MTAP: variants seen among roughly 807,000 people sequenced by gnomAD.
MTAP encodes the protein S-methyl-5'-thioadenosine phosphorylase.
MTAP carries 33 observed loss-of-function variants against 33.6 expected under a neutral mutation model. The observed-to-expected ratio is 0.98, with a 90% CI of 0.74 to 1.31. The LOEUF is 1.31. Among genes scored for constraint, MTAP ranks in the 40% most tolerant of loss-of-function variants. MTAP has a pLI of 0.00. For synonymous variants in MTAP, 148 were observed against 125.7 expected (o/e 1.18, Z -1.19); for missense variants, 367 against 360.0 (o/e 1.02, Z -0.16).
At chr9:21,929,023 C>G (rs1368752476) in intron 1 of MTAP, among the ~76,000 whole-genome samples, 4 of 152,108 alleles carry the variant, frequency 2.6e-5, no homozygotes, top group Admixed American at 6.6e-5. Flanking sequence ...CTTCCAGGCT[C>G]TAGTTCTCAT....
At chr9:21,854,600 T>C (rs1332943660) in intron 5 of MTAP, 31 bp from the exon 6 acceptor site, 1 of 1,515,864 alleles carries the variant, frequency 6.6e-7, no homozygotes, top group Non-Finnish European at 8.8e-7. Flanking sequence ...TGTGCTAGTA[T>C]GTTTTGAAGT....
At chr9:21,885,820 G>A (rs557711859) in intron 1 of MTAP, among the ~76,000 whole-genome samples, 5 of 138,056 alleles carry the variant, frequency 3.6e-5, no homozygotes, top group South Asian at 2.3e-4. Flanking sequence ...GTGTGTGTGT[G>A]TATACAGATC....
chr9:21,865,087 G>C lies in MTAP; in HGVS notation c.*3073G>C, dbSNP rs1396426761. ...AGTCCCTCCTTGATAAGGTTTGGCG[G>C]TGTCCCCACCCAAATCTCATGTTGA... On this transcript the variant is annotated 3_prime_UTR_variant, in exon 8 of 8. Coordinates refer to ENST00000644715, the MANE Select transcript of MTAP (RefSeq NM_002451.4). 1 of 985,252 alleles carries C rather than the reference G, an allele frequency of 1.0e-6. No homozygotes were observed. The highest frequency in any genetic ancestry group is 1.7e-5 in the African/African-American group (1 of 57,204). The allele number at this position is 985,252 out of a possible 1,614,324, so 61.0% of individuals were successfully genotyped here. A position where few individuals can be genotyped will look rare whatever the true frequency, so the allele number is the denominator to read the frequency against.
intron 1 of MTAP, chr9:21,811,650 A>C: frequency 1.9e-6 from 1 of 522,426 alleles, no homozygotes; most frequent in Non-Finnish European, 3.9e-6. Context: ...GCTCACTCAA[A>C]CTCTTCCTCC....
chr9:21,931,398 G>C (rs999657973), downstream of MTAP: 25 of 479,184 alleles, frequency 5.2e-5, no homozygotes, highest in Non-Finnish European at 8.8e-5. Context: ...GTGAGCATCA[G>C]ATGATCATCA....
chr9:21,886,915 A>G (rs1367306217), intron 1 of MTAP, among the ~76,000 whole-genome samples: 2 of 152,184 alleles, frequency 1.3e-5, no homozygotes, highest in African/African-American at 2.4e-5. Flanking sequence ...TGCTTTGGCT[A>G]TGTGGGCTAT....
chr9:21,853,683 C>G (rs1002598388), intron 5 of MTAP, among the ~76,000 whole-genome samples: 2 of 152,162 alleles, frequency 1.3e-5, no homozygotes, highest in African/African-American at 4.8e-5. Flanking sequence ...AGAAGACCAG[C>G]TTAGTGCATA....
At chr9:21,905,505 A>G (rs903424621) in intron 1 of MTAP, among the ~76,000 whole-genome samples, 36 of 152,224 alleles carry the variant, frequency 2.4e-4, no homozygotes, top group Admixed American at 2.4e-3. Context: ...ACACACACAT[A>G]AAATCACTGT....
intron 5 of MTAP, among the ~76,000 whole-genome samples, chr9:21,842,846 C>A (rs930221338): frequency 6.6e-6 from 1 of 152,068 alleles, no homozygotes; most frequent in East Asian, 1.9e-4. Context: ...AACAATAATA[C>A]AATGGTGAAA....
At chr9:21,919,825 C>T (rs1818759099) in intron 1 of MTAP, among the ~76,000 whole-genome samples, 1 of 152,052 alleles carries the variant, frequency 6.6e-6, no homozygotes, top group East Asian at 1.9e-4. Context: ...TGTTCATCAA[C>T]GTGTATATTA....
chr9:21,884,104 A>G (rs1190070301), intron 1 of MTAP, among the ~76,000 whole-genome samples: 1 of 152,194 alleles, frequency 6.6e-6, no homozygotes, highest in African/African-American at 2.4e-5. Flanking sequence ...AAAAGTTAAC[A>G]TAATGCTCAC....
chr9:21,893,312 TAAAC>T (rs1233711453), intron 1 of MTAP: 1 of 151,844 alleles, frequency 6.6e-6, no homozygotes, highest in Non-Finnish European at 1.5e-5. Flanking sequence ...TAATCTCAAA[TAAAC>T]AATCTAACAT....
chr9:21,910,555 C>G (rs1015196977), intron 1 of MTAP, among the ~76,000 whole-genome samples: 15 of 151,974 alleles, frequency 9.9e-5, no homozygotes, highest in Non-Finnish European at 1.5e-4. Flanking sequence ...GGCAAGAGGG[C>G]TAGTGTATGG....
chr9:21,891,157 G>A (rs915740977), intron 1 of MTAP, among the ~76,000 whole-genome samples: 4 of 152,078 alleles, frequency 2.6e-5, no homozygotes, highest in Non-Finnish European at 5.9e-5. Flanking sequence ...CAGTAAGTTC[G>A]AAGATTCAAG....
At chr9:21,804,733 TC>T (rs1824161892) in intron 1 of MTAP, among the ~76,000 whole-genome samples, 3 of 152,196 alleles carry the variant, frequency 2.0e-5, no homozygotes, top group Admixed American at 2.0e-4. Context: ...GCTGGAGTGT[TC>T]CTTCAAGACC....
rs1825803756 is a variant in MTAP at position 21,863,851 on chromosome 9, T to C, written c.*1837T>C. The C allele has an allele frequency of 9.1e-6, 9 of 985,694 alleles. No individual in the cohort carries two copies. Among genetic ancestry groups the C allele is most frequent in the Non-Finnish European group, 1.1e-5 (9 of 829,932 alleles). 61.1% of individuals were successfully genotyped at this position (985,694 alleles called of 1,614,324 possible). A position where few individuals can be genotyped will look rare whatever the true frequency, so the allele number is the denominator to read the frequency against. ...CTAATTGTAAACAAAACAGTTACCC[T>C]CCAGTATTAATATGACTCATTAGTG... On this transcript the variant is annotated 3_prime_UTR_variant, in exon 8 of 8. Transcript: ENST00000644715.
rs574588978 is a variant in MTAP at position 21,827,013 on chromosome 9, T to G, written c.347+8811T>G. 9.8e-4 allele frequency among the ~76,000 whole-genome samples: 149 copies of G among 152,292 alleles called. 1 individual carries two copies. Among genetic ancestry groups the G allele is most frequent in the African/African-American group, 3.5e-3 (147 of 41,550 alleles). On this transcript the variant is annotated intron_variant, in intron 4 of 7. Coordinates refer to ENST00000644715, the MANE Select transcript of MTAP (RefSeq NM_002451.4). ...CCTGATGATCTGAGGTGGAAGAGTT[T>G]CATCCTGAAACCATCCCCTCTGACC...
chr9:21,879,801 G>A (rs113765124), intron 1 of MTAP, among the ~76,000 whole-genome samples: 25 of 151,978 alleles, frequency 1.6e-4, no homozygotes, highest in African/African-American at 5.8e-4. Flanking sequence ...AGCTTAGTTC[G>A]GCTGGATATG....
intron 4 of MTAP, among the ~76,000 whole-genome samples, chr9:21,837,010 C>T (rs993078868): frequency 6.6e-6 from 1 of 152,202 alleles, no homozygotes; most frequent in Non-Finnish European, 1.5e-5. Flanking sequence ...CCCCTCCTCC[C>T]TGTGTTACTC....
Sources: gnomAD v4.1 joint callset for allele counts (sites outside exome capture counted in the v4.1 genomes callset) on GRCh38, gnomAD v4.1.1 for gene constraint, MANE v1.5 for transcripts, NCBI Gene and HGNC (gene_info 2026-07-23, HGNC 2026-07-21) for gene names.